HEATR1: variants seen among roughly 807,000 people sequenced by gnomAD.
The protein encoded by HEATR1 is HEAT repeat containing 1.
A neutral mutation model predicts 248.2 loss-of-function variants in HEATR1; 77 were observed. The ratio of observed to expected loss-of-function variants is 0.31; its 90% CI spans 0.26 to 0.37. The LOEUF (loss-of-function observed/expected upper bound fraction) is 0.37. Ranked by LOEUF, HEATR1 falls within the 10% of genes least tolerant of loss-of-function variation. The pLI, the probability that HEATR1 is intolerant of heterozygous loss-of-function variation, is 1.00. For missense variants in HEATR1, 2,420 were observed against 2,504.9 expected, an observed-to-expected ratio of 0.97 and a Z score of 0.72; for synonymous variants, 897 against 923.1, an observed-to-expected ratio of 0.97 and a Z score of 0.51.
Position 236,564,532 on chromosome 1 carries a change from G to C in HEATR1, c.4565C>G (p.Ser1522Cys), listed in dbSNP as rs756566799. The change falls in exon 32 of 45, where the codon TCT becomes TGT. Residue 1522 changes from serine (S) to cysteine (C), a missense_variant. Ser to Cys is a moderately radical substitution (Grantham distance 112, BLOSUM62 -1). Coordinates refer to ENST00000366582, the MANE Select transcript of HEATR1 (RefSeq NM_018072.6). ...AAAATTATTGGAAGACAGGAGCTGA[G>C]ACATGAAGGACACTGACAAAAATTT... ...HFKFLSVSFM[S>C]QLLSSNNFLK... 1.9e-6 allele frequency: 3 copies of C among 1,613,748 alleles called. No homozygotes were observed. Among genetic ancestry groups the C allele is most frequent in the Non-Finnish European group, 2.5e-6 (3 of 1,179,986 alleles).
intron 17 of HEATR1, among the ~76,000 whole-genome samples, chr1:236,583,667 A>C (rs1465080184): frequency 1.3e-5 from 2 of 151,940 alleles, no homozygotes; most frequent in African/African-American, 4.8e-5. Flanking sequence ...TTGTATCTTT[A>C]GTAGAGATTA....
chr1:236,596,938 C>G lies in HEATR1; in HGVS notation c.642G>C (p.Arg214Ser). ...TAGAAGCATAGAAAGCCAAGAGCAC[C>G]CTCAACTGAGCTGAGCTGCCCGGGT... ...AEYPGSSAQL[R>S]VLLAFYASTI... Residue 214 changes from arginine (R) to serine (S), a missense_variant, in exon 6 of 45, where the codon AGG (arginine) becomes AGC (serine). Arg to Ser is a moderately radical substitution (Grantham distance 110). Transcript: ENST00000366582. 6.2e-7 allele frequency: 1 copy of G among 1,613,982 alleles called. No homozygotes were observed. Among genetic ancestry groups the G allele is most frequent in the South Asian group, 1.1e-5 (1 of 91,070 alleles).
chr1:236,587,847 A>C, intron 13 of HEATR1, 101 bp downstream of exon 13: 1 of 799,792 alleles, frequency 1.3e-6, no homozygotes. Flanking sequence ...CCCATGGAAA[A>C]ATAATTTCCA....
Position 236,559,106 on chromosome 1 carries a change from G to C in HEATR1, c.4800C>G (p.Phe1600Leu). 1 of 1,608,308 alleles carries C rather than the reference G, an allele frequency of 6.2e-7. No individual in the cohort carries two copies. The highest frequency in any genetic ancestry group is 1.1e-5 in the South Asian group (1 of 90,194). Residue 1600 changes from phenylalanine (F) to leucine (L), a missense_variant, in exon 35 of 45, where the codon TTC becomes TTG. Transcript: ENST00000366582. ...KVNALLPTETFIPVIRGLVGN... is the reference protein window; with the variant it reads ...KVNALLPTETLIPVIRGLVGN... ...CCACCAGCCCTCTGATCACAGGAAT[G>C]AATGTCTCTGTGGGCAGCAAGGCAT...
chr1:236,558,166 G>T, intron 36 of HEATR1, 71 bp downstream of exon 36: 3 of 1,372,408 alleles, frequency 2.2e-6, no homozygotes, highest in South Asian at 1.5e-5. Flanking sequence ...AAAAAAAAAA[G>T]TCACCAAAGT....
chr1:236,595,911 A>C lies in HEATR1; in HGVS notation c.878T>G (p.Ile293Ser), dbSNP rs1664166023. The C allele has an allele frequency of 3.7e-6, 6 of 1,614,018 alleles. No homozygotes were observed. In the East Asian group the frequency reaches 1.3e-4, roughly 36 times the overall value. The change falls in exon 7 of 45, where the codon ATT (isoleucine) becomes AGT (serine). Residue 293 changes from isoleucine to serine, a missense_variant. Transcript: ENST00000366582. ...TAACCCATCCTTGATCAAAGAGGGA[A>C]TCTTGGTCAATGTTTTGATGATCTG... ...ASQIIKTLTK[I>S]PSLIKDGLSC...
At position 236,585,119 on chromosome 1, in the gene HEATR1, GAAC is replaced by G. The variant is rs779004001; in HGVS notation, c.2144_2146del (p.Cys715del). The G allele has an allele frequency of 5.5e-5, 88 of 1,613,840 alleles. No individual in the cohort carries two copies. Among genetic ancestry groups the G allele is most frequent in the Middle Eastern group, 1.6e-4 (1 of 6,084 alleles). On this transcript the variant is annotated inframe_deletion, in exon 17 of 45. Transcript: ENST00000366582. ...TGGAAAGTGGGTTTCTTTTAAAGAT[GAAC>G]AACAAGAGACGAGCACAGACAGGAT...
chr1:236,586,679 C>T (rs1572048673), intron 14 of HEATR1, among the ~76,000 whole-genome samples: 1 of 152,050 alleles, frequency 6.6e-6, no homozygotes, highest in Non-Finnish European at 1.5e-5. Flanking sequence ...GGATTACAGG[C>T]ATGAGCCACT....
At chr1:236,593,516 G>A (rs1303655449) in intron 9 of HEATR1, among the ~76,000 whole-genome samples, 2 of 146,244 alleles carry the variant, frequency 1.4e-5, no homozygotes, top group African/African-American at 2.5e-5. Flanking sequence ...AGTGGTAGGC[G>A]CAGAATTTAC....
Position 236,561,245 on chromosome 1 carries a change from A to T in HEATR1, c.4626T>A (p.Ile1542=). The part of the protein sequence containing the change: ...KKVVESGGPE[I]LKGLEERLLE... ...CATACCTCTCTTCAAGGCCTTTTAA[A>T]ATCTCAGGACCACCACTCTCAACTA... Residue 1542 remains isoleucine, a synonymous_variant, in exon 33 of 45, where the codon ATT becomes ATA. Coordinates refer to ENST00000366582, the MANE Select transcript of HEATR1 (RefSeq NM_018072.6). The T allele has an allele frequency of 6.2e-7, 1 of 1,610,652 alleles. No homozygotes were observed. Among genetic ancestry groups the T allele is most frequent in the Non-Finnish European group, 8.5e-7 (1 of 1,176,936 alleles).
chr1:236,603,433 AC>A, intron 2 of HEATR1, 57 bp from the exon 3 acceptor site: 1 of 1,406,474 alleles, frequency 7.1e-7, no homozygotes, highest in Non-Finnish European at 1.0e-6. Flanking sequence ...AATTCATCCC[AC>A]CCCTCTTTTA....
At chr1:236,581,186 G>T in intron 20 of HEATR1, 36 bp downstream of exon 20, 1 of 1,505,124 alleles carries the variant, frequency 6.6e-7, no homozygotes, top group Non-Finnish European at 9.2e-7. Flanking sequence ...ATGAACAGTT[G>T]GTCATGACAA....
intron 4 of HEATR1, 144 bp downstream of exon 4, chr1:236,599,339 T>C (rs1407129839): frequency 7.1e-6 from 4 of 566,650 alleles, no homozygotes; most frequent in South Asian, 3.2e-5. Flanking sequence ...ACATTAATAA[T>C]AGTTTCAATT....
Position 236,574,740 on chromosome 1 carries a change from T to A in HEATR1, c.3248A>T (p.Asp1083Val), listed in dbSNP as rs1447861094. ...TGTGTGCACAGCTTTTATAAATATATCTAGACTCTTCGGATCCTCATTTAA... is the reference window on the plus strand; with the variant it reads ...TGTGTGCACAGCTTTTATAAATATAACTAGACTCTTCGGATCCTCATTTAA... ...SLLNEDPKSL[D>V]IFIKAVHTTK... The change falls in exon 23 of 45, where the codon GAT becomes GTT. Residue 1083 changes from aspartate (D) to valine (V), a missense_variant. Physicochemically the swap from Asp to Val is radical, Grantham distance 152. Transcript: ENST00000366582. 6.2e-7 allele frequency: 1 copy of A among 1,613,840 alleles called. No homozygotes were observed.
At chr1:236,603,528 T>G (rs1664383470) in intron 2 of HEATR1, 152 bp from the exon 3 acceptor site, 1 of 651,790 alleles carries the variant, frequency 1.5e-6, no homozygotes, top group African/African-American at 1.8e-5. Context: ...ATTTCTAGTT[T>G]TCAACTTTTA....
intron 32 of HEATR1, among the ~76,000 whole-genome samples, chr1:236,562,521 C>T (rs1010093694): frequency 6.6e-6 from 1 of 152,228 alleles, no homozygotes; most frequent in African/African-American, 2.4e-5. Context: ...TGTAAAATCA[C>T]CTGCTGCACC....
rs770470640 is a variant in HEATR1 at position 236,572,848 on chromosome 1, A to G, written c.3460-20T>C. The G allele has an allele frequency of 1.7e-5, 27 of 1,585,130 alleles. No individual in the cohort carries two copies. The highest frequency in any genetic ancestry group is 2.3e-5 in the Non-Finnish European group (27 of 1,153,760). On this transcript the variant is annotated intron_variant, in intron 24 of 44. Transcript: ENST00000366582. Reference sequence around the variant, plus strand: ...GGAAATCTGAAATATTGAAGGAAGAAGAGTTGATGATATAATCCATTGGGA... The same window carrying G: ...GGAAATCTGAAATATTGAAGGAAGAGGAGTTGATGATATAATCCATTGGGA...
At chr1:236,598,794 C>G (rs974050413) in intron 4 of HEATR1, among the ~76,000 whole-genome samples, 5 of 152,180 alleles carry the variant, frequency 3.3e-5, no homozygotes, top group African/African-American at 1.2e-4. Context: ...ATTTGCCTCC[C>G]CCCCTACCCT....
intron 20 of HEATR1, among the ~76,000 whole-genome samples, 162 bp downstream of exon 20, chr1:236,581,060 T>C (rs1355830664): frequency 6.6e-6 from 1 of 151,824 alleles, no homozygotes; most frequent in African/African-American, 2.4e-5. Context: ...CCTCATGATC[T>C]GCCTGCTTCG....
Sources: allele counts gnomAD v4.1 joint callset (sites outside exome capture counted in the v4.1 genomes callset), GRCh38; gene constraint gnomAD v4.1.1; transcripts MANE v1.5; gene names NCBI Gene and HGNC (gene_info 2026-07-23, HGNC 2026-07-21).